Variants in SPTBN4 observed in about 807,000 individuals in gnomAD.
SPTBN4 encodes spectrin beta chain, non-erythrocytic 4.
In SPTBN4, 96 loss-of-function variants were observed where a neutral mutation model predicts 277.8. The observed-to-expected ratio is 0.35, with a 90% confidence interval of 0.29 to 0.41. SPTBN4 has a LOEUF of 0.41. SPTBN4 is among the 10% of genes least tolerant of loss of function. The pLI is 1.00. For missense variants in SPTBN4, 3,006 were observed against 3,595.7 expected (o/e 0.84, Z 4.19); for synonymous variants, 1,481 against 1,580.3 (o/e 0.94, Z 1.49).
intron 22 of SPTBN4, among the ~76,000 whole-genome samples, chr19:40,553,624 TTAAA>T (rs1307264328): frequency 5.9e-5 from 9 of 152,190 alleles, no homozygotes; most frequent in African/African-American, 1.2e-4. Context: ...ACACAAAACG[TTAAA>T]TAAGGTACTC....
Position 40,519,859 on chromosome 19 carries a change from G to T in SPTBN4, c.3362G>T (p.Ser1121Ile). 6.7e-7 allele frequency: 1 copy of T among 1,483,956 alleles called. No homozygotes were observed. The allele number at this position is 1,483,956 out of a possible 1,614,324, so 91.9% of individuals were successfully genotyped here. A position where few individuals can be genotyped will look rare whatever the true frequency, so the allele number is the denominator to read the frequency against. ...GGCAGCGAGGGGCCCCTGCCCAACA[G>T]CCTAGAAGAGGCGGACGCGCTGCTG... ...AGGSEGPLPNSLEEADALLAR... is the reference protein window; with the variant it reads ...AGGSEGPLPNILEEADALLAR... Residue 1121 changes from serine to isoleucine, a missense_variant, in exon 16 of 36, where the codon AGC (serine) becomes ATC (isoleucine). By Grantham distance (142) the Ser-to-Ile change is moderately radical (BLOSUM62 -2). This residue lies in a region of SPTBN4 where 1,759 missense variants were observed against 2,061.5 expected (regional missense o/e 0.85). Transcript: ENST00000598249. The surrounding 1 kb of genome is among the most constrained non-coding windows in gnomAD (Gnocchi z 5.7).
Position 40,519,907 on chromosome 19 carries a change from A to G in SPTBN4, c.3410A>G (p.Glu1137Gly), listed in dbSNP as rs916681742. The G allele has an allele frequency of 6.5e-7, 1 of 1,549,408 alleles. No homozygotes were observed. Among genetic ancestry groups the G allele is most frequent in the Non-Finnish European group, 8.7e-7 (1 of 1,155,724 alleles). ...CTGGCGCGCCACGCTGCGCTCAAGGAGGAGGTGGACCAGCGCGAGGAAGAC... is the reference window on the plus strand; with the variant it reads ...CTGGCGCGCCACGCTGCGCTCAAGGGGGAGGTGGACCAGCGCGAGGAAGAC... ...ALLARHAALK[E>G]EVDQREEDYA... is the part of the protein sequence containing the mutation. Residue 1137 changes from glutamate to glycine, a missense_variant, in exon 16 of 36, where the codon GAG becomes GGG. Around this residue, in one of 5 missense-constraint regions of SPTBN4, gnomAD observed 1,759 missense variants for 2,061.5 expected, o/e 0.85. Coordinates refer to ENST00000598249, the MANE Select transcript of SPTBN4 (RefSeq NM_020971.3). The surrounding 1 kb of genome is among the most constrained non-coding windows in gnomAD (Gnocchi z 5.7).
At chr19:40,543,818 CCT>C (rs2080826374) in intron 20 of SPTBN4, among the ~76,000 whole-genome samples, 1 of 152,130 alleles carries the variant, frequency 6.6e-6, no homozygotes, top group Non-Finnish European at 1.5e-5. Context: ...TCCATCTAGA[CCT>C]CTTTCTGTGC....
chr19:40,541,951 T>G (rs2080806795), intron 20 of SPTBN4, among the ~76,000 whole-genome samples: 1 of 152,156 alleles, frequency 6.6e-6, no homozygotes, highest in Non-Finnish European at 1.5e-5. Context: ...AGACGGAATC[T>G]CACTCTGTCA....
In SPTBN4 at chr19:40,523,302, C is replaced by A. The variant is rs548120096; in HGVS notation, c.3655-135C>A. 22 of 821,694 alleles carry A rather than the reference C, an allele frequency of 2.7e-5. No individual in the cohort carries two copies. In the South Asian group the frequency reaches 3.9e-4, roughly 15 times the overall value. 50.9% of individuals were successfully genotyped at this position (821,694 alleles called of 1,614,324 possible). On this transcript the variant is annotated intron_variant, in intron 16 of 35. Coordinates refer to ENST00000598249, the MANE Select transcript of SPTBN4 (RefSeq NM_020971.3). ...CAGAAGCACCAGCATGGGCAACAGC[C>A]CCGAGGTGGGACCACAACTGGAATG... is the stretch of plus-strand genomic sequence containing the variant.
intron 17 of SPTBN4, among the ~76,000 whole-genome samples, chr19:40,528,550 C>T (rs770606997): frequency 2.1e-4 from 32 of 152,166 alleles, no homozygotes; most frequent in Non-Finnish European, 4.0e-4. Context: ...TGTCCCTGAC[C>T]GGACTCCTCC....
chr19:40,538,346 A>T (rs1279492150), intron 20 of SPTBN4, among the ~76,000 whole-genome samples: 2 of 1,298 alleles, frequency 1.5e-3, no homozygotes, highest in Non-Finnish European at 0.012. Context: ...GCAAGATTGC[A>T]CCTCACTGCA....
Position 40,519,887 on chromosome 19 carries a change from G to T in SPTBN4, c.3390G>T (p.Ala1130=). The change falls in exon 16 of 36, where the codon GCG becomes GCT. Residue 1130 remains alanine, a synonymous_variant. Transcript: ENST00000598249. The surrounding 1 kb of genome is among the most constrained non-coding windows in gnomAD (Gnocchi z 5.7). The part of the protein sequence containing the change: ...NSLEEADALL[A]RHAALKEEVD... ...TAGAAGAGGCGGACGCGCTGCTGGC[G>T]CGCCACGCTGCGCTCAAGGAGGAGG... is the stretch of plus-strand genomic sequence containing the variant. 1 of 1,514,188 alleles carries T rather than the reference G, an allele frequency of 6.6e-7. No homozygotes were observed. Among genetic ancestry groups the T allele is most frequent in the Admixed American group, 2.3e-5 (1 of 42,850 alleles). The allele number at this position is 1,514,188 out of a possible 1,614,324, so 93.8% of individuals were successfully genotyped here.
chr19:40,512,632 A>G lies in SPTBN4; in HGVS notation c.1843A>G (p.Ile615Val). 2 of 1,541,636 alleles carry G rather than the reference A, an allele frequency of 1.3e-6. No individual in the cohort carries two copies. The highest frequency in any genetic ancestry group is 1.7e-6 in the Non-Finnish European group (2 of 1,151,856). The change falls in exon 14 of 36, where the codon ATC (isoleucine) becomes GTC (valine). Residue 615 changes from isoleucine to valine, a missense_variant. By Grantham distance (29) the Ile-to-Val change is conservative (BLOSUM62 3). Around this residue, in one of 5 missense-constraint regions of SPTBN4, gnomAD observed 1,759 missense variants for 2,061.5 expected, o/e 0.85. Coordinates refer to ENST00000598249, the MANE Select transcript of SPTBN4 (RefSeq NM_020971.3). Reference protein sequence around the residue: ...QGYQPCDPQVICNRVNHVHGC... With the variant: ...QGYQPCDPQVVCNRVNHVHGC... The stretch of plus-strand genomic sequence containing the variant: ...CTACCAGCCCTGCGACCCGCAGGTC[A>G]TCTGCAACCGCGTGAACCACGTGCA...
intron 2 of SPTBN4, among the ~76,000 whole-genome samples, chr19:40,486,804 C>T (rs1053179015): frequency 1.3e-5 from 2 of 152,162 alleles, no homozygotes; most frequent in Non-Finnish European, 2.9e-5. Context: ...CTGAACTGAG[C>T]TCTGTGAGGG....
At chr19:40,467,642 G>A (rs1239814934) in intron 1 of SPTBN4, among the ~76,000 whole-genome samples, 4 of 151,662 alleles carry the variant, frequency 2.6e-5, no homozygotes, top group Non-Finnish European at 4.4e-5. Context: ...GGGGGTGTTG[G>A]GGGGAGGCTC....
intron 1 of SPTBN4, among the ~76,000 whole-genome samples, chr19:40,468,734 A>G (rs949863336): frequency 6.6e-6 from 1 of 152,202 alleles, no homozygotes; most frequent in African/African-American, 2.4e-5. Context: ...GAAGTATTTC[A>G]GCCAAGGTCA....
chr19:40,539,351 G>A (rs1328424708), intron 20 of SPTBN4, among the ~76,000 whole-genome samples: 1 of 152,258 alleles, frequency 6.6e-6, no homozygotes, highest in South Asian at 2.1e-4. Flanking sequence ...TAGCAGGAGT[G>A]TGGGAAGCAG....
chr19:40,521,642 CT>C (rs745756886), intron 16 of SPTBN4, among the ~76,000 whole-genome samples: 3 of 152,312 alleles, frequency 2.0e-5, no homozygotes, highest in Non-Finnish European at 2.9e-5. Flanking sequence ...CTCGCCCCCC[CT>C]CCACCTCCTG....
At chr19:40,568,718 G>A (rs551497601) in intron 31 of SPTBN4, among the ~76,000 whole-genome samples, 2 of 152,276 alleles carry the variant, frequency 1.3e-5, no homozygotes, top group East Asian at 3.9e-4. Context: ...CTTCTCCATT[G>A]TATGACTAGG....
At chr19:40,530,442 GCGCGCGGCCGC>G (rs2080652016) in intron 18 of SPTBN4, 3 of 939,700 alleles carry the variant, frequency 3.2e-6, no homozygotes, top group African/African-American at 1.8e-5. Context: ...ACGCGGGCGG[GCGCGCGGCCGC>G]CGCGCGGGGG....
chr19:40,525,885 T>A (rs1675394), intron 17 of SPTBN4, among the ~76,000 whole-genome samples: 109,211 of 152,104 alleles, frequency 0.72, 41,138 homozygotes, highest in African/African-American at 0.93. Flanking sequence ...TGAGGTGTGG[T>A]CACAGAGGGA....
intron 2 of SPTBN4, among the ~76,000 whole-genome samples, chr19:40,484,086 A>G (rs1214305617): frequency 6.6e-6 from 1 of 152,144 alleles, no homozygotes; most frequent in Non-Finnish European, 1.5e-5. Flanking sequence ...TGTATCAAAA[A>G]AAAAGAGAGA....
Position 40,575,861 on chromosome 19 carries a change from A to G in SPTBN4, c.*292A>G, listed in dbSNP as rs1272939465. ...GCTTGATGGGGGTGGGCAGGGGGCC[A>G]GTTGAGCCAAGCCCCCAGCCCCGAT... is the stretch of plus-strand genomic sequence containing the variant. On this transcript the variant is annotated 3_prime_UTR_variant, in exon 36 of 36. Coordinates refer to ENST00000598249, the MANE Select transcript of SPTBN4 (RefSeq NM_020971.3). 1.1e-5 allele frequency: 3 copies of G among 273,964 alleles called. No homozygotes were observed. Among genetic ancestry groups the G allele is most frequent in the Non-Finnish European group, 2.1e-5 (3 of 142,590 alleles). 17.0% of individuals were successfully genotyped at this position (273,964 alleles called of 1,614,324 possible). A position where few individuals can be genotyped will look rare whatever the true frequency, so the allele number is the denominator to read the frequency against.
Sources: allele counts gnomAD v4.1 joint callset (sites outside exome capture counted in the v4.1 genomes callset), GRCh38; gene constraint gnomAD v4.1.1; regional missense constraint gnomAD v4.1.1; non-coding constraint Gnocchi (gnomAD v3.1); transcripts MANE v1.5; gene names NCBI Gene and HGNC (gene_info 2026-07-23, HGNC 2026-07-21).